The following TSPAN2 variants were observed in gnomAD, a reference collection of about 807,000 sequenced individuals.
TSPAN2 encodes the protein tetraspanin 2.
In TSPAN2, 24 loss-of-function variants were observed where a neutral mutation model predicts 33.3. The observed-to-expected ratio is 0.72, with a 90% CI of 0.52 to 1.01. TSPAN2 has a LOEUF of 1.01. TSPAN2 is among the 50% of genes least tolerant of loss of function. TSPAN2 has a pLI of 0.00. For synonymous variants in TSPAN2, 114 were observed against 104.5 expected, an observed-to-expected ratio of 1.09 and a Z score of -0.56; for missense variants, 278 against 281.3, an observed-to-expected ratio of 0.99 and a Z score of 0.08.
chr1:115,067,538 G>A (rs191369544), intron 2 of TSPAN2, among the ~76,000 whole-genome samples: 136 of 152,256 alleles, frequency 8.9e-4, no homozygotes, highest in Admixed American at 1.6e-3. Flanking sequence ...TGGATGTCAG[G>A]TACAAGTGAA....
chr1:115,069,232 T>C (rs1294274886), intron 2 of TSPAN2, among the ~76,000 whole-genome samples: 1 of 152,136 alleles, frequency 6.6e-6, no homozygotes, highest in Non-Finnish European at 1.5e-5. Flanking sequence ...CCTGCTGTTT[T>C]CCCTGCCCAG....
In TSPAN2 at chr1:115,060,609, T is replaced by G. The variant is rs1008290798; in HGVS notation, c.271-71A>C. 36 of 1,230,208 alleles carry G rather than the reference T, an allele frequency of 2.9e-5. No homozygotes were observed. The African/African-American group carries it at 5.0e-4, about 17-fold the overall frequency. The allele number at this position is 1,230,208 out of a possible 1,614,324, so 76.2% of individuals were successfully genotyped here. A position where few individuals can be genotyped will look rare whatever the true frequency, so the allele number is the denominator to read the frequency against. ...CAATTTATATATTTTGCACCTTAGT[T>G]TCCTTATGTAATGGCTGAATCGCTT... is the stretch of plus-strand genomic sequence containing the variant. On this transcript the variant is annotated intron_variant, in intron 3 of 7. Coordinates refer to ENST00000369516, the MANE Select transcript of TSPAN2 (RefSeq NM_005725.6).
At chr1:115,051,752 G>A (rs1159348857) in intron 7 of TSPAN2, among the ~76,000 whole-genome samples, 1 of 152,196 alleles carries the variant, frequency 6.6e-6, no homozygotes, top group Admixed American at 6.5e-5. Context: ...AAGCAGGTAA[G>A]GGCATGGCCA....
At chr1:115,087,513 G>A (rs1193996046) in intron 1 of TSPAN2, among the ~76,000 whole-genome samples, 1 of 151,558 alleles carries the variant, frequency 6.6e-6, no homozygotes, top group African/African-American at 2.4e-5. Flanking sequence ...CTATTTGGGC[G>A]GCTGAGGCAG....
At chr1:115,089,312 G>GGCCCCC in intron 1 of TSPAN2, 52 bp downstream of exon 1, 6 of 1,389,106 alleles carry the variant, frequency 4.3e-6, no homozygotes, top group Non-Finnish European at 5.9e-6. Flanking sequence ...CCGGCCCCGC[G>GGCCCCC]CCCGCCACCC....
chr1:115,078,907 C>T (rs1021839899), intron 1 of TSPAN2, among the ~76,000 whole-genome samples: 3 of 152,220 alleles, frequency 2.0e-5, no homozygotes, highest in Non-Finnish European at 2.9e-5. Flanking sequence ...CAGATACCTT[C>T]GAAGGCACTG....
rs370287808 is a variant in TSPAN2, at chr1:115,050,517, C to T, written c.639G>A (p.Ala213=). 46 of 1,613,878 alleles carry T rather than the reference C, an allele frequency of 2.9e-5. No homozygotes were observed. The African/African-American group carries it at 4.4e-4, about 15-fold the overall frequency. The change falls in exon 8 of 8, where the codon GCG becomes GCA. Residue 213 remains alanine (A), a synonymous_variant. Transcript: ENST00000369516. ...ATATCACATCTCGTGAGTTTCGTAT[C>T]GCACAGCAGAGGACCATGCTGAATA... ...GMIFSMVLCC[A]IRNSRDVI is the part of the protein sequence containing the mutation.
intron 5 of TSPAN2, chr1:115,058,448 G>T: frequency 8.7e-6 from 2 of 230,572 alleles, no homozygotes; most frequent in South Asian, 1.2e-4. Context: ...GGAGCTGCGT[G>T]GGTATCAGGG....
Position 115,057,600 on chromosome 1 carries a change from G to C in TSPAN2, c.453C>G (p.Cys151Trp). The change falls in exon 6 of 8, where the codon TGC (cysteine) becomes TGG (tryptophan). Residue 151 changes from cysteine to tryptophan, a missense_variant. Cys to Trp is a radical substitution (Grantham distance 215, BLOSUM62 -2). Coordinates refer to ENST00000369516, the MANE Select transcript of TSPAN2 (RefSeq NM_005725.6). ...TLITFHSTFQ[C>W]CGKESSEQVQ... Reference sequence around the variant, plus strand: ...CCTGTTCGGAGCTTTCTTTTCCACAGCACTGAAACTAGAGAGTCAGAAAAG... The same window carrying C: ...CCTGTTCGGAGCTTTCTTTTCCACACCACTGAAACTAGAGAGTCAGAAAAG... The C allele has an allele frequency of 6.2e-7, 1 of 1,614,094 alleles. No homozygotes were observed. Among genetic ancestry groups the C allele is most frequent in the African/African-American group, 1.3e-5 (1 of 75,038 alleles).
At chr1:115,074,748 T>A (rs1648335361) in intron 1 of TSPAN2, among the ~76,000 whole-genome samples, 1 of 152,216 alleles carries the variant, frequency 6.6e-6, no homozygotes, top group Admixed American at 6.5e-5. Flanking sequence ...AGTTTCTATG[T>A]GCAATCCAGA....
intron 2 of TSPAN2, among the ~76,000 whole-genome samples, chr1:115,063,502 A>C (rs1647813345): frequency 6.6e-6 from 1 of 152,248 alleles, no homozygotes; most frequent in Non-Finnish European, 1.5e-5. Flanking sequence ...TGCAGAAGGC[A>C]GTTTGGAGAT....
Position 115,060,542 on chromosome 1 carries a change from T to C in TSPAN2, c.271-4A>G, listed in dbSNP as rs755087003. The C allele has an allele frequency of 6.2e-6, 10 of 1,610,366 alleles. No homozygotes were observed. Among genetic ancestry groups the C allele is most frequent in the African/African-American group, 1.3e-5 (1 of 74,774 alleles). Reference sequence around the variant, plus strand: ...TCACCAGGAGGCAGGTAAAAAACTGTAGAGGAGAGAAAATACTAATTTCAT... The same window carrying C: ...TCACCAGGAGGCAGGTAAAAAACTGCAGAGGAGAGAAAATACTAATTTCAT... On this transcript the variant is annotated splice_region_variant and splice_polypyrimidine_tract_variant and intron_variant, in intron 3 of 7. Coordinates refer to ENST00000369516, the MANE Select transcript of TSPAN2 (RefSeq NM_005725.6).
intron 1 of TSPAN2, among the ~76,000 whole-genome samples, chr1:115,082,112 C>G (rs542575427): frequency 2.0e-5 from 3 of 152,222 alleles, no homozygotes; most frequent in Non-Finnish European, 4.4e-5. Flanking sequence ...TGCTGTCCAG[C>G]GTTGTGGCCA....
intron 2 of TSPAN2, among the ~76,000 whole-genome samples, chr1:115,065,620 T>C (rs1422481116): frequency 6.6e-6 from 1 of 152,198 alleles, no homozygotes; most frequent in Non-Finnish European, 1.5e-5. Context: ...TTTATTAATA[T>C]CTTACTGATA....
chr1:115,080,089 C>T (rs971894091), intron 1 of TSPAN2, among the ~76,000 whole-genome samples: 1 of 152,096 alleles, frequency 6.6e-6, no homozygotes, highest in South Asian at 2.1e-4. Flanking sequence ...AATATAAGCT[C>T]AGGGGAAGGA....
At chr1:115,064,272 G>C (rs1447714657) in intron 2 of TSPAN2, among the ~76,000 whole-genome samples, 1 of 152,198 alleles carries the variant, frequency 6.6e-6, no homozygotes. Context: ...CCACAGAAGC[G>C]AGCTGAATGC....
chr1:115,088,413 A>C (rs1648925980), intron 1 of TSPAN2, among the ~76,000 whole-genome samples: 1 of 152,154 alleles, frequency 6.6e-6, no homozygotes, highest in Non-Finnish European at 1.5e-5. Flanking sequence ...GAGCAGTTAC[A>C]CTGGCTGACA....
In TSPAN2 at chr1:115,048,583, C is replaced by T. The variant is rs1675225099; in HGVS notation, c.*1907G>A. The T allele has an allele frequency of 1.3e-5, 2 of 151,926 alleles. No individual in the cohort carries two copies. The highest frequency in any genetic ancestry group is 4.1e-4 in the South Asian group (2 of 4,832). 9.4% of individuals were successfully genotyped at this position (151,926 alleles called of 1,614,324 possible). A position where few individuals can be genotyped will look rare whatever the true frequency, so the allele number is the denominator to read the frequency against. On this transcript the variant is annotated 3_prime_UTR_variant, in exon 8 of 8. Coordinates refer to ENST00000369516, the MANE Select transcript of TSPAN2 (RefSeq NM_005725.6). ...TTGTTAATTCAGATAGGAAACTAAA[C>T]TCACTTTTGTGGAATCAGAGATGAT...
At chr1:115,066,290 C>T (rs1167308312) in intron 2 of TSPAN2, among the ~76,000 whole-genome samples, 1 of 152,114 alleles carries the variant, frequency 6.6e-6, no homozygotes, top group East Asian at 1.9e-4. Flanking sequence ...GATGATAGCT[C>T]TATATTTATT....
Sources: gnomAD v4.1 joint callset for allele counts (sites outside exome capture counted in the v4.1 genomes callset) on GRCh38, gnomAD v4.1.1 for gene constraint, MANE v1.5 for transcripts, NCBI Gene and HGNC (gene_info 2026-07-23, HGNC 2026-07-21) for gene names.